The following TNKS variants were observed in gnomAD, a reference collection of about 807,000 sequenced individuals.
TNKS encodes poly [ADP-ribose] polymerase tankyrase-1.
In TNKS, 72 loss-of-function variants were observed where a neutral mutation model predicts 135.8. The ratio of observed to expected loss-of-function variants is 0.53; its 90% CI spans 0.44 to 0.64. The LOEUF (loss-of-function observed/expected upper bound fraction) is 0.64. Among genes scored for constraint, TNKS ranks in the 30% least tolerant of loss-of-function variants. TNKS has a pLI of 0.00. For synonymous variants in TNKS, 849 were observed against 649.3 expected, an observed-to-expected ratio of 1.31 and a Z score of -4.68; for missense variants, 1,769 against 1,674.0, an observed-to-expected ratio of 1.06 and a Z score of -0.99.
intron 3 of TNKS, among the ~76,000 whole-genome samples, chr8:9,676,673 CCT>C (rs970130671): frequency 6.5e-5 from 8 of 123,834 alleles, no homozygotes; most frequent in Non-Finnish European, 8.5e-5. Flanking sequence ...CGTATTTCTC[CCT>C]CTCTCTCTCT....
intron 3 of TNKS, among the ~76,000 whole-genome samples, chr8:9,677,929 G>T (rs1336152691): frequency 2.6e-5 from 4 of 151,944 alleles, no homozygotes; most frequent in Non-Finnish European, 4.4e-5. Flanking sequence ...AGGATTACTT[G>T]TCCTTCCTTC....
At chr8:9,636,642 T>C (rs138010669) in intron 3 of TNKS, among the ~76,000 whole-genome samples, 1 of 152,324 alleles carries the variant, frequency 6.6e-6, no homozygotes, top group East Asian at 1.9e-4. Flanking sequence ...CTCTTGGGCA[T>C]TACATCCAGT....
intron 3 of TNKS, among the ~76,000 whole-genome samples, chr8:9,616,871 C>T (rs1279274074): frequency 2.6e-5 from 4 of 152,086 alleles, no homozygotes; most frequent in African/African-American, 7.2e-5. Flanking sequence ...TACATAGCCT[C>T]GGGCCTGCTC....
At chr8:9,686,154 C>T (rs924440047) in intron 5 of TNKS, among the ~76,000 whole-genome samples, 1 of 152,250 alleles carries the variant, frequency 6.6e-6, no homozygotes, top group African/African-American at 2.4e-5. Flanking sequence ...CAGGACACGC[C>T]CCTGAGTTGG....
rs934571374 is a variant in TNKS at position 9,751,571 on chromosome 8, A to C, written c.2833-38A>C. On this transcript the variant is annotated intron_variant, in intron 18 of 26. Transcript: ENST00000310430. ...TGAAAAACTTACCATTTTAATATAT[A>C]GTATTTTCATGGTTTTTGTTTTTAA... 2.6e-6 allele frequency: 4 copies of C among 1,560,130 alleles called. No individual in the cohort carries two copies. The African/African-American group carries it at 5.5e-5, about 21-fold the overall frequency.
At chr8:9,632,981 G>A (rs1317856051) in intron 3 of TNKS, among the ~76,000 whole-genome samples, 2 of 152,028 alleles carry the variant, frequency 1.3e-5, no homozygotes, top group African/African-American at 2.4e-5. Context: ...TGCCCGCCTC[G>A]GCCACCCAAA....
chr8:9,593,800 G>A (rs1485093831), intron 2 of TNKS, among the ~76,000 whole-genome samples: 3 of 152,104 alleles, frequency 2.0e-5, no homozygotes, highest in Non-Finnish European at 4.4e-5. Context: ...CACGGGATTG[G>A]GGATGGGGGA....
At chr8:9,770,444 A>C (rs2128840201) in intron 26 of TNKS, among the ~76,000 whole-genome samples, 182 bp downstream of exon 26, 1 of 152,334 alleles carries the variant, frequency 6.6e-6, no homozygotes, top group African/African-American at 2.4e-5. Context: ...TTTACCTAAA[A>C]CCCATTAGTA....
intron 2 of TNKS, among the ~76,000 whole-genome samples, chr8:9,585,911 T>C (rs1463334926): frequency 6.6e-6 from 1 of 152,170 alleles, no homozygotes; most frequent in African/African-American, 2.4e-5. Context: ...GTAATAGTGG[T>C]TGGAGTCAAA....
chr8:9,596,121 AT>A (rs1012056517), intron 2 of TNKS, among the ~76,000 whole-genome samples: 1 of 152,086 alleles, frequency 6.6e-6, no homozygotes, highest in African/African-American at 2.4e-5. Flanking sequence ...AAATACATAT[AT>A]ACATACATAC....
chr8:9,647,265 T>C (rs1800953359), intron 3 of TNKS, among the ~76,000 whole-genome samples: 1 of 152,194 alleles, frequency 6.6e-6, no homozygotes, highest in Admixed American at 6.5e-5. Context: ...GTGCCTCTAT[T>C]TGGTATCTGT....
chr8:9,776,617 AGGGTG>A, intron 26 of TNKS, 28 bp from the exon 27 acceptor site: 2 of 1,598,652 alleles, frequency 1.3e-6, no homozygotes, highest in African/African-American at 2.7e-5. Flanking sequence ...GCCTACTAGA[AGGGTG>A]ATTTGTTTTT....
intron 6 of TNKS, among the ~76,000 whole-genome samples, 175 bp from the exon 7 acceptor site, chr8:9,706,012 A>G (rs892594689): frequency 6.6e-6 from 1 of 152,202 alleles, no homozygotes; most frequent in Non-Finnish European, 1.5e-5. Context: ...AAAACAAGAT[A>G]AATACAAAAG....
intron 11 of TNKS, among the ~76,000 whole-genome samples, chr8:9,715,238 G>T (rs963240356): frequency 1.3e-5 from 2 of 152,086 alleles, no homozygotes; most frequent in Non-Finnish European, 2.9e-5. Context: ...ATCTCAGTTA[G>T]GGTCTTCGCA....
intron 2 of TNKS, among the ~76,000 whole-genome samples, chr8:9,597,462 A>G (rs1162841114): frequency 6.6e-6 from 1 of 151,138 alleles, no homozygotes; most frequent in East Asian, 1.9e-4. Context: ...TTTGTTTAGT[A>G]TCCTTTGTAA....
chr8:9,734,514 T>C (rs1805593042), intron 15 of TNKS, among the ~76,000 whole-genome samples: 1 of 152,178 alleles, frequency 6.6e-6, no homozygotes, highest in Non-Finnish European at 1.5e-5. Flanking sequence ...CTTTATGTAA[T>C]TGAATCTGGT....
chr8:9,700,611 CT>C (rs57880434), intron 5 of TNKS, among the ~76,000 whole-genome samples: 109,987 of 150,030 alleles, frequency 0.73, 40,365 homozygotes, highest in Middle Eastern at 0.81. Context: ...ACACTCCCTT[CT>C]TTTTTTTTTT....
chr8:9,731,878 C>G (rs1250370896), intron 14 of TNKS, among the ~76,000 whole-genome samples: 2 of 151,816 alleles, frequency 1.3e-5, no homozygotes, highest in African/African-American at 2.4e-5. Flanking sequence ...AGCTCTGCCT[C>G]CCAGGTTCAC....
At chr8:9,572,292 A>T (rs1797783524) in intron 1 of TNKS, among the ~76,000 whole-genome samples, 1 of 152,208 alleles carries the variant, frequency 6.6e-6, no homozygotes, top group Non-Finnish European at 1.5e-5. Flanking sequence ...CAGTCAACTG[A>T]TTCTTTGTTT....
Sources: gnomAD v4.1 joint callset for allele counts (sites outside exome capture counted in the v4.1 genomes callset) on GRCh38, gnomAD v4.1.1 for gene constraint, MANE v1.5 for transcripts, NCBI Gene and HGNC (gene_info 2026-07-23, HGNC 2026-07-21) for gene names.